The following DNAJC13 variants were observed in gnomAD, a reference collection of about 807,000 sequenced individuals.
The protein encoded by DNAJC13 is dnaJ homolog subfamily C member 13.
In DNAJC13, 75 loss-of-function variants were observed where a neutral mutation model predicts 290.5. The ratio of observed to expected loss-of-function variants is 0.26; its 90% CI spans 0.21 to 0.31. The LOEUF (loss-of-function observed/expected upper bound fraction) is 0.31. DNAJC13 is among the 10% of genes least tolerant of loss of function. The pLI is 1.00. For missense variants in DNAJC13, 2,260 were observed against 2,674.5 expected (o/e 0.85, Z 3.42); for synonymous variants, 862 against 892.0 (o/e 0.97, Z 0.60).
intron 29 of DNAJC13, among the ~76,000 whole-genome samples, chr3:132,485,398 CT>C (rs1341591957): frequency 6.6e-6 from 1 of 152,166 alleles, no homozygotes; most frequent in African/African-American, 2.4e-5. Flanking sequence ...CCTTGGCCTC[CT>C]AAAGTGCTGG....
At chr3:132,536,096 A>G (rs1054954745) in intron 55 of DNAJC13, among the ~76,000 whole-genome samples, 1 of 152,170 alleles carries the variant, frequency 6.6e-6, no homozygotes, top group Non-Finnish European at 1.5e-5. Context: ...TAATTTTTTC[A>G]TCCGTCCCCA....
At chr3:132,507,465 C>T in intron 43 of DNAJC13, 112 bp downstream of exon 43, 2 of 691,606 alleles carry the variant, frequency 2.9e-6, no homozygotes, top group South Asian at 2.0e-5. Context: ...ACTTTCTTTA[C>T]TGTGCTGCTT....
At chr3:132,507,200 TTACATC>T (rs1347522989) in intron 42 of DNAJC13, 31 bp from the exon 43 acceptor site, 1 of 1,283,316 alleles carries the variant, frequency 7.8e-7, no homozygotes, top group Non-Finnish European at 1.1e-6. Context: ...ATGGATAGAT[TTACATC>T]TAACAGTCTA....
Position 132,516,464 on chromosome 3 carries a change from G to A in DNAJC13, c.5528G>A (p.Ser1843Asn), listed in dbSNP as rs1935923533. 1.2e-6 allele frequency: 2 copies of A among 1,613,646 alleles called. No homozygotes were observed. Among genetic ancestry groups the A allele is most frequent in the Non-Finnish European group, 1.7e-6 (2 of 1,179,772 alleles). Residue 1843 changes from serine (S) to asparagine (N), a missense_variant, in exon 47 of 56, where the codon AGT (serine) becomes AAT (asparagine). This residue lies in a region of DNAJC13 where 1,494 missense variants were observed against 1,693.7 expected (regional missense o/e 0.88). Transcript: ENST00000260818. ...VLETLYALTS[S>N]TKIIKEAMAK... ...GAAACTCTTTATGCTTTGACATCGA[G>A]TACAAAAATAATCAAAGAAGCAATG...
chr3:132,459,720 A>G (rs564188933), intron 13 of DNAJC13, among the ~76,000 whole-genome samples: 2 of 152,290 alleles, frequency 1.3e-5, no homozygotes, highest in South Asian at 4.1e-4. Flanking sequence ...TTACATAAAT[A>G]CTATTACTCC....
chr3:132,453,825 C>T (rs1933498763), intron 8 of DNAJC13, 131 bp downstream of exon 8: 2 of 795,612 alleles, frequency 2.5e-6, no homozygotes, highest in African/African-American at 3.5e-5. Context: ...TAACTCTTAA[C>T]ATATTTATAT....
At chr3:132,484,364 G>C in intron 28 of DNAJC13, 1 of 584,790 alleles carries the variant, frequency 1.7e-6, no homozygotes, top group Non-Finnish European at 3.1e-6. Flanking sequence ...CTCTTCTAGG[G>C]TACTGTTTTT....
At chr3:132,446,620 A>G (rs1211941399) in intron 3 of DNAJC13, 70 bp downstream of exon 3, 1 of 1,002,492 alleles carries the variant, frequency 1.0e-6, no homozygotes, top group Non-Finnish European at 1.5e-6. Flanking sequence ...GGCTGTGACC[A>G]TTACCCTCCC....
chr3:132,489,699 A>G (rs1576495304), intron 31 of DNAJC13, among the ~76,000 whole-genome samples: 1 of 152,118 alleles, frequency 6.6e-6, no homozygotes, highest in South Asian at 2.1e-4. Flanking sequence ...GGAATGTTGC[A>G]CCACCTTGAC....
chr3:132,510,703 G>A (rs1039642802), intron 43 of DNAJC13, among the ~76,000 whole-genome samples: 3 of 152,080 alleles, frequency 2.0e-5, no homozygotes, highest in African/African-American at 4.8e-5. Context: ...GACTTGTGAC[G>A]TCCCTTTGAA....
intron 12 of DNAJC13, 150 bp from the exon 13 acceptor site, chr3:132,457,119 A>G (rs1933628698): frequency 4.3e-6 from 3 of 696,998 alleles, no homozygotes; most frequent in Non-Finnish European, 4.6e-6. Flanking sequence ...AGAAAAAACT[A>G]TTATGAAGAC....
At chr3:132,448,592 T>C (rs1399749242) in intron 5 of DNAJC13, among the ~76,000 whole-genome samples, 1 of 152,172 alleles carries the variant, frequency 6.6e-6, no homozygotes, top group South Asian at 2.1e-4. Context: ...AGTATTACTT[T>C]TATAATGGAG....
chr3:132,528,448 G>A, intron 54 of DNAJC13, 116 bp downstream of exon 54: 1 of 1,301,158 alleles, frequency 7.7e-7, no homozygotes, highest in African/African-American at 1.5e-5. Context: ...GGTTGTAACT[G>A]GAGAAGATCC....
At chr3:132,503,917 G>A (rs536240458) in intron 41 of DNAJC13, among the ~76,000 whole-genome samples, 6 of 151,548 alleles carry the variant, frequency 4.0e-5, no homozygotes, top group Non-Finnish European at 5.9e-5. Context: ...TGAGAATGTA[G>A]CACTAAAGAA....
chr3:132,432,985 T>C (rs1157173629), intron 1 of DNAJC13, among the ~76,000 whole-genome samples: 1 of 152,248 alleles, frequency 6.6e-6, no homozygotes, highest in Non-Finnish European at 1.5e-5. Flanking sequence ...TGTTCTGGAA[T>C]ATTCATAAAG....
At chr3:132,484,148 C>A (rs2107699485) in intron 28 of DNAJC13, among the ~76,000 whole-genome samples, 1 of 152,192 alleles carries the variant, frequency 6.6e-6, no homozygotes, top group East Asian at 1.9e-4. Flanking sequence ...TTCATGGTTC[C>A]AGTTGGACTC....
chr3:132,473,106 GC>G lies in DNAJC13; in HGVS notation c.2209-35del, dbSNP rs779916182. The G allele has an allele frequency of 1.1e-5, 15 of 1,380,282 alleles. No homozygotes were observed. In the African/African-American group the frequency reaches 2.0e-4, roughly 19 times the overall value. 85.5% of individuals were successfully genotyped at this position (1,380,282 alleles called of 1,614,324 possible). ...ATCTTCTGACTAAGCCTATTTGGTA[GC>G]CCCAGATTGAGCACTATGAAGTTTT... On this transcript the variant is annotated intron_variant, in intron 20 of 55. Coordinates refer to ENST00000260818, the MANE Select transcript of DNAJC13 (RefSeq NM_015268.4).
chr3:132,460,152 T>C (rs1474281049), intron 13 of DNAJC13, 98 bp from the exon 14 acceptor site: 2 of 686,480 alleles, frequency 2.9e-6, no homozygotes, highest in Non-Finnish European at 4.7e-6. Flanking sequence ...TTTAATTCTT[T>C]CAATGTGTAA....
intron 32 of DNAJC13, 97 bp downstream of exon 32, chr3:132,491,148 G>A (rs1935047541): frequency 1.9e-6 from 2 of 1,051,446 alleles, no homozygotes; most frequent in South Asian, 1.9e-5. Context: ...GTTTTCACTA[G>A]GTTTATAATC....
Sources: gnomAD v4.1 joint callset for allele counts (sites outside exome capture counted in the v4.1 genomes callset) on GRCh38, gnomAD v4.1.1 for gene constraint, gnomAD v4.1.1 regional missense constraint, MANE v1.5 for transcripts, NCBI Gene and HGNC (gene_info 2026-07-23, HGNC 2026-07-21) for gene names.